The following NRXN1 variants were observed in gnomAD, a reference collection of about 807,000 sequenced individuals.
NRXN1 encodes neurexin-1.
Under a neutral mutation model 150.9 loss-of-function variants are expected in NRXN1, and 39 were observed. The observed-to-expected ratio is 0.26, with a 90% CI of 0.20 to 0.34. The LOEUF is 0.34. NRXN1 is among the 10% of genes least tolerant of loss of function. The pLI is 1.00. For missense variants in NRXN1, 1,815 were observed against 1,949.9 expected (o/e 0.93, Z 1.30); for synonymous variants, 924 against 757.0 (o/e 1.22, Z -3.62).
At chr2:50,731,113 T>G (rs1698046977) in intron 5 of NRXN1, among the ~76,000 whole-genome samples, 1 of 152,228 alleles carries the variant, frequency 6.6e-6, no homozygotes, top group Non-Finnish European at 1.5e-5. Flanking sequence ...TAATCCATGC[T>G]GTACTCTGAT....
At chr2:50,900,778 G>C (rs758033261) in intron 5 of NRXN1, among the ~76,000 whole-genome samples, 1 of 152,128 alleles carries the variant, frequency 6.6e-6, no homozygotes, top group Non-Finnish European at 1.5e-5. Context: ...ACCTAACTAA[G>C]AGAAACCAGC....
At chr2:50,782,748 T>C (rs1301461716) in intron 5 of NRXN1, among the ~76,000 whole-genome samples, 1 of 152,182 alleles carries the variant, frequency 6.6e-6, no homozygotes, top group Non-Finnish European at 1.5e-5. Context: ...GTAATCATTA[T>C]TTCTGGGTTA....
At position 50,031,791 on chromosome 2, in the gene NRXN1, A is replaced by C. The variant is rs373526361; in HGVS notation, c.4128+21480T>G. On this transcript the variant is annotated intron_variant, in intron 21 of 22. Coordinates refer to ENST00000401669, the MANE Select transcript of NRXN1 (RefSeq NM_001330078.2). ...ATCATTTTGGGGTTGTTTGGAAGTT[A>C]AACCCTTTTAGTAAGAAGTATTGGA... is the stretch of plus-strand genomic sequence containing the variant. 2.0e-5 allele frequency among the ~76,000 whole-genome samples: 3 copies of C among 152,194 alleles called. No individual in the cohort carries two copies. The East Asian group carries it at 5.8e-4, about 29-fold the overall frequency.
At chr2:51,017,500 T>TG (rs1223944121) in intron 2 of NRXN1, among the ~76,000 whole-genome samples, 35 of 105,962 alleles carry the variant, frequency 3.3e-4, no homozygotes, top group Non-Finnish European at 5.8e-4. Context: ...CCACCACATC[T>TG]GGCTTTTTTT....
chr2:50,614,128 A>G (rs1366052512), intron 8 of NRXN1, among the ~76,000 whole-genome samples: 1 of 152,186 alleles, frequency 6.6e-6, no homozygotes, highest in Non-Finnish European at 1.5e-5. Context: ...GGTACCAACC[A>G]GTATATGGAC....
At chr2:50,285,961 C>G (rs1014068627) in intron 17 of NRXN1, among the ~76,000 whole-genome samples, 1 of 151,686 alleles carries the variant, frequency 6.6e-6, no homozygotes, top group Non-Finnish European at 1.5e-5. Context: ...TTTTAACAAA[C>G]AGCTACCTAA....
At chr2:49,976,992 T>A (rs1573174739) in intron 21 of NRXN1, among the ~76,000 whole-genome samples, 2 of 152,260 alleles carry the variant, frequency 1.3e-5, no homozygotes, top group African/African-American at 2.4e-5. Context: ...CAAAATAACA[T>A]CCATGTTTTT....
intron 2 of NRXN1, among the ~76,000 whole-genome samples, chr2:50,994,729 TAC>T (rs1291461724): frequency 1.3e-5 from 2 of 152,064 alleles, no homozygotes; most frequent in Admixed American, 6.6e-5. Context: ...ACACATGTAG[TAC>T]ACACATCTGA....
At position 50,347,263 on chromosome 2, in the gene NRXN1, T is replaced by G; in HGVS notation, c.3365-110293A>C. ...CCCAGATTTCCAGGGCTCCAGGTTCTCGAGAGATACTCCCAAAGAGTTTCG... is the reference window on the plus strand; with the variant it reads ...CCCAGATTTCCAGGGCTCCAGGTTCGCGAGAGATACTCCCAAAGAGTTTCG... On this transcript the variant is annotated intron_variant, in intron 17 of 22. Coordinates refer to ENST00000401669, the MANE Select transcript of NRXN1 (RefSeq NM_001330078.2). This position sits in a 1 kb window ranked among gnomAD's most constrained non-coding sequence, Gnocchi z 4.9. 2 of 1,314,606 alleles carry G rather than the reference T, an allele frequency of 1.5e-6. No individual in the cohort carries two copies. Among genetic ancestry groups the G allele is most frequent in the Non-Finnish European group, 2.0e-6 (2 of 1,006,312 alleles). The allele number at this position is 1,314,606 out of a possible 1,614,324, so 81.4% of individuals were successfully genotyped here.
intron 2 of NRXN1, among the ~76,000 whole-genome samples, chr2:51,026,782 C>A (rs146464009): frequency 3.3e-5 from 5 of 152,244 alleles, no homozygotes; most frequent in African/African-American, 1.2e-4. Flanking sequence ...TTCAAGAAAC[C>A]GCATAAATGA....
chr2:50,004,258 G>A (rs952368079), intron 21 of NRXN1, among the ~76,000 whole-genome samples: 1 of 152,024 alleles, frequency 6.6e-6, no homozygotes, highest in African/African-American at 2.4e-5. Context: ...TGTGAGTAAG[G>A]AAAGACTCAT....
chr2:50,922,807 C>A, intron 3 of NRXN1, 120 bp from the exon 4 acceptor site: 2 of 997,716 alleles, frequency 2.0e-6, no homozygotes, highest in Non-Finnish European at 3.1e-6. Flanking sequence ...ATGTCTGTAT[C>A]ACAGAGGCAA....
At chr2:50,844,877 A>C (rs1057295482) in intron 5 of NRXN1, among the ~76,000 whole-genome samples, 3 of 151,602 alleles carry the variant, frequency 2.0e-5, no homozygotes, top group Non-Finnish European at 4.4e-5. Context: ...TTTTTGAAGC[A>C]GAGGCTTATT....
chr2:50,316,504 C>T (rs1399869852), intron 17 of NRXN1, among the ~76,000 whole-genome samples: 2 of 151,998 alleles, frequency 1.3e-5, no homozygotes, highest in African/African-American at 2.4e-5. Flanking sequence ...CAATAAGAAT[C>T]ACATTAAATT....
chr2:50,244,205 T>C (rs972429379), intron 17 of NRXN1, among the ~76,000 whole-genome samples: 1 of 151,900 alleles, frequency 6.6e-6, no homozygotes, highest in African/African-American at 2.4e-5. Flanking sequence ...TTCATTCTTC[T>C]AAAAACAAGT....
At chr2:50,003,944 G>A (rs1443530431) in intron 21 of NRXN1, among the ~76,000 whole-genome samples, 1 of 152,058 alleles carries the variant, frequency 6.6e-6, no homozygotes, top group Non-Finnish European at 1.5e-5. Flanking sequence ...ACTATTTCCT[G>A]ACAATGAAAT....
intron 8 of NRXN1, among the ~76,000 whole-genome samples, chr2:50,564,408 C>T (rs1318696996): frequency 6.6e-6 from 1 of 152,126 alleles, no homozygotes; most frequent in Admixed American, 6.6e-5. Flanking sequence ...AGTAATCACA[C>T]TCAAATCTTG....
At chr2:50,275,778 T>G (rs530324488) in intron 17 of NRXN1, among the ~76,000 whole-genome samples, 1 of 152,200 alleles carries the variant, frequency 6.6e-6, no homozygotes, top group Admixed American at 6.6e-5. Context: ...TCCTTCAAAT[T>G]TAAAAGAAAA....
chr2:50,908,327 T>G (rs531903112), intron 5 of NRXN1, among the ~76,000 whole-genome samples: 1 of 149,856 alleles, frequency 6.7e-6, no homozygotes, highest in Admixed American at 6.7e-5. Flanking sequence ...GATAAAACAG[T>G]AACACTGACA....
Sources: gnomAD v4.1 joint callset for allele counts (sites outside exome capture counted in the v4.1 genomes callset) on GRCh38, gnomAD v4.1.1 for gene constraint, Gnocchi (gnomAD v3.1) non-coding constraint, MANE v1.5 for transcripts, NCBI Gene and HGNC (gene_info 2026-07-23, HGNC 2026-07-21) for gene names.